The following CARS2 variants were observed in gnomAD, a reference collection of about 807,000 sequenced individuals.
The protein encoded by CARS2 is cysteinyl-tRNA synthetase 2, mitochondrial.
CARS2 carries 52 observed loss-of-function variants against 68.8 expected under a neutral mutation model. The observed-to-expected ratio is 0.76, with a 90% confidence interval of 0.61 to 0.95. The LOEUF (loss-of-function observed/expected upper bound fraction) is 0.95, where lower values mean the gene tolerates loss of function less well. Among genes scored for constraint, CARS2 ranks in the 40% least tolerant of loss-of-function variants. The pLI, the probability that CARS2 is intolerant of heterozygous loss-of-function variation, is 0.00. For synonymous variants in CARS2, 314 were observed against 303.6 expected (o/e 1.03, Z -0.36); for missense variants, 780 against 754.2 (o/e 1.03, Z -0.40).
intron 5 of CARS2, among the ~76,000 whole-genome samples, chr13:110,685,650 G>A (rs994606453): frequency 7.2e-5 from 11 of 152,220 alleles, no homozygotes; most frequent in African/African-American, 1.2e-4. Flanking sequence ...TGGCAGTGCA[G>A]AACTGGCTGC....
intron 5 of CARS2, among the ~76,000 whole-genome samples, chr13:110,685,444 G>C (rs765312987): frequency 2.0e-5 from 3 of 152,216 alleles, no homozygotes; most frequent in Non-Finnish European, 4.4e-5. Context: ...CTCCAAGTAG[G>C]ACCCAGGAAG....
rs1392346661 is a variant in CARS2 at position 110,676,199 on chromosome 13, T to C, written c.785+775A>G. Among the ~76,000 whole-genome samples the C allele has an allele frequency of 2.6e-5, 4 of 152,170 alleles. No individual in the cohort carries two copies. The highest frequency in any genetic ancestry group is 9.7e-5 in the African/African-American group (4 of 41,436). ...ATGAAACTAACTGTGGCGAGCCCCA[T>C]GGGCAGCTGTGCAGCACGGGGCACG... On this transcript the variant is annotated intron_variant, in intron 7 of 14. Coordinates refer to ENST00000257347, the MANE Select transcript of CARS2 (RefSeq NM_024537.4). This position sits in a 1 kb window ranked among gnomAD's most constrained non-coding sequence, Gnocchi z 4.0.
chr13:110,658,627 A>G (rs2062429224), intron 9 of CARS2, among the ~76,000 whole-genome samples: 1 of 152,204 alleles, frequency 6.6e-6, no homozygotes, highest in South Asian at 2.1e-4. Context: ...TTTTGGGGAT[A>G]ACTGGAGAAA....
At chr13:110,651,005 G>A (rs751834647) in intron 10 of CARS2, 29 bp downstream of exon 10, 3 of 1,556,122 alleles carry the variant, frequency 1.9e-6, no homozygotes, top group African/African-American at 1.4e-5. Context: ...AGCTGGGGGG[G>A]GAGTCCACTC....
At chr13:110,700,161 G>A (rs931270896) in intron 3 of CARS2, among the ~76,000 whole-genome samples, 3 of 152,220 alleles carry the variant, frequency 2.0e-5, no homozygotes, top group Non-Finnish European at 2.9e-5. Flanking sequence ...CAATGAACCT[G>A]AGTGGAGGGC....
intron 7 of CARS2, among the ~76,000 whole-genome samples, chr13:110,673,068 T>C (rs1356606446): frequency 6.6e-6 from 1 of 152,222 alleles, no homozygotes; most frequent in Admixed American, 6.5e-5. Context: ...ATTAAGGCAA[T>C]AATTAATAGC....
intron 1 of CARS2, chr13:110,713,098 T>G (rs1215464746): frequency 7.0e-7 from 1 of 1,437,994 alleles, no homozygotes; most frequent in South Asian, 1.4e-5. Context: ...CCGGAGGACT[T>G]GGGTTTCTAG....
At chr13:110,699,466 TG>T (rs953244409) in intron 3 of CARS2, among the ~76,000 whole-genome samples, 1 of 152,224 alleles carries the variant, frequency 6.6e-6, no homozygotes, top group African/African-American at 2.4e-5. Flanking sequence ...GTAAAAGCAG[TG>T]GTAACTGGCA....
At chr13:110,701,677 T>C (rs2063791841) in intron 2 of CARS2, 122 bp from the exon 3 acceptor site, 9 of 625,742 alleles carry the variant, frequency 1.4e-5, no homozygotes, top group South Asian at 7.6e-5. Context: ...AATGGACAGG[T>C]CAGCGGAGCA....
intron 7 of CARS2, among the ~76,000 whole-genome samples, chr13:110,667,773 T>C (rs1197256087): frequency 2.0e-5 from 3 of 152,240 alleles, no homozygotes; most frequent in African/African-American, 7.2e-5. Flanking sequence ...TTACTTTCAA[T>C]AGGTAGAGTT....
chr13:110,691,936 A>C (rs2063470811), intron 3 of CARS2, among the ~76,000 whole-genome samples: 1 of 149,180 alleles, frequency 6.7e-6, no homozygotes, highest in South Asian at 2.1e-4. Flanking sequence ...CACCTTCCTG[A>C]ATAATACATG....
Position 110,668,324 on chromosome 13 carries a change from A to G in CARS2, c.786-851T>C, listed in dbSNP as rs2062705975. Among the ~76,000 whole-genome samples, 1 of 151,976 alleles carries G rather than the reference A, an allele frequency of 6.6e-6. No homozygotes were observed. Among genetic ancestry groups the G allele is most frequent in the Non-Finnish European group, 1.5e-5 (1 of 68,006 alleles). On this transcript the variant is annotated intron_variant, in intron 7 of 14. Coordinates refer to ENST00000257347, the MANE Select transcript of CARS2 (RefSeq NM_024537.4). The surrounding 1 kb of genome is among the most constrained non-coding windows in gnomAD (Gnocchi z 4.1). ...TTTGGGAGGCTGAGGCAGGCGGATC[A>G]CAAGGTCAGGAGATCGAGACCATCC... is the stretch of plus-strand genomic sequence containing the variant.
chr13:110,657,435 T>C (rs911643000), intron 9 of CARS2, among the ~76,000 whole-genome samples: 1 of 152,200 alleles, frequency 6.6e-6, no homozygotes, highest in Admixed American at 6.5e-5. Flanking sequence ...GGCAGGCAGG[T>C]GCAGGAGGGC....
rs200627513 is a variant in CARS2 at position 110,677,139 on chromosome 13, C to T, written c.656-36G>A. On this transcript the variant is annotated intron_variant, in intron 6 of 14. Coordinates refer to ENST00000257347, the MANE Select transcript of CARS2 (RefSeq NM_024537.4). ...CAAACGGTACATCAGTGGGAAGAAG[C>T]TCAGTCACCCCACCACGGATGCTCA... 14 of 1,567,400 alleles carry T rather than the reference C, an allele frequency of 8.9e-6. No homozygotes were observed. The African/African-American group carries it at 1.8e-4, about 20-fold the overall frequency.
At chr13:110,687,629 AG>A in intron 5 of CARS2, 91 bp downstream of exon 5, 1 of 757,870 alleles carries the variant, frequency 1.3e-6, no homozygotes. Context: ...CAGTGAGCTG[AG>A]ATAGCACCAC....
At chr13:110,697,896 T>C (rs571822253) in intron 3 of CARS2, 1 of 450,628 alleles carries the variant, frequency 2.2e-6, no homozygotes, top group South Asian at 1.6e-5. Flanking sequence ...GACAAATCAA[T>C]AGAAAATAGG....
intron 14 of CARS2, 101 bp downstream of exon 14, chr13:110,642,214 A>G (rs1887435206): frequency 4.3e-6 from 4 of 929,196 alleles, no homozygotes; most frequent in African/African-American, 3.3e-5. Context: ...TCTCAAAAAA[A>G]AAGCATGGTC....
chr13:110,663,613 C>A, intron 8 of CARS2, 95 bp from the exon 9 acceptor site: 1 of 1,548,394 alleles, frequency 6.5e-7, no homozygotes. Context: ...TGGGAACCTG[C>A]ACATATCCAA....
chr13:110,681,368 T>C (rs1490572480), intron 6 of CARS2, among the ~76,000 whole-genome samples: 1 of 152,224 alleles, frequency 6.6e-6, no homozygotes. Context: ...CTTTGTTTTG[T>C]GTAATTCTAT....
Sources: gnomAD v4.1 joint callset for allele counts (sites outside exome capture counted in the v4.1 genomes callset) on GRCh38, gnomAD v4.1.1 for gene constraint, Gnocchi (gnomAD v3.1) non-coding constraint, MANE v1.5 for transcripts, NCBI Gene and HGNC (gene_info 2026-07-23, HGNC 2026-07-21) for gene names.